SPMIP2: variants seen among roughly 807,000 people sequenced by gnomAD.
SPMIP2 encodes sperm microtubule inner protein 2, also known as protein SPMIP2.
At chr4:159,002,318 TA>T in the SPMIP2 span, among the ~76,000 whole-genome samples, 2 of 151,496 alleles carry the variant, frequency 1.3e-5, no homozygotes, top group Non-Finnish European at 1.5e-5. Flanking sequence ...TTTCATTTTT[TA>T]AAGTGTCTTG....
the SPMIP2 span, chr4:158,893,800 A>G: frequency 1.3e-4 from 114 of 896,734 alleles, no homozygotes; most frequent in African/African-American, 1.7e-3. Flanking sequence ...TCTATAATAC[A>G]TACGTCTTGT....
At chr4:158,929,947 C>T in the SPMIP2 span, among the ~76,000 whole-genome samples, 1 of 152,140 alleles carries the variant, frequency 6.6e-6, no homozygotes, top group African/African-American at 2.4e-5. Flanking sequence ...TTCTCTTTAG[C>T]ATTTCTTGCA....
At chr4:159,055,449 T>G in the SPMIP2 span, among the ~76,000 whole-genome samples, 1 of 152,188 alleles carries the variant, frequency 6.6e-6, no homozygotes, top group Non-Finnish European at 1.5e-5. Flanking sequence ...ACCCCTGTAT[T>G]CCCAGCACTT....
At chr4:158,900,896 T>C in the SPMIP2 span, among the ~76,000 whole-genome samples, 1 of 152,230 alleles carries the variant, frequency 6.6e-6, no homozygotes, top group Admixed American at 6.5e-5. Context: ...GTTGGTTTTT[T>C]TGCCCGTTAG....
At chr4:159,056,339 T>C in the SPMIP2 span, among the ~76,000 whole-genome samples, 3 of 151,986 alleles carry the variant, frequency 2.0e-5, no homozygotes, top group African/African-American at 4.8e-5. Context: ...GTTTGGAGGG[T>C]AGGGGAAGTT....
chr4:159,060,489 G>T, the SPMIP2 span, among the ~76,000 whole-genome samples: 2 of 152,196 alleles, frequency 1.3e-5, no homozygotes, highest in African/African-American at 4.8e-5. Context: ...CAGGAAAAAT[G>T]ATTGTTTCCC....
chr4:158,903,951 C>A, the SPMIP2 span, among the ~76,000 whole-genome samples: 2 of 152,204 alleles, frequency 1.3e-5, no homozygotes, highest in South Asian at 2.1e-4. Context: ...ACTTTGCTCT[C>A]AGAATCTTGT....
chr4:158,904,039 T>C, the SPMIP2 span, among the ~76,000 whole-genome samples: 152,366 of 152,368 alleles, frequency 1, 76,182 homozygotes, highest in Middle Eastern at 1. Context: ...GCTACCATCA[T>C]CGTTTTTCTA....
chr4:158,911,830 G>A, the SPMIP2 span, among the ~76,000 whole-genome samples: 2 of 152,300 alleles, frequency 1.3e-5, no homozygotes, highest in South Asian at 2.1e-4. Flanking sequence ...ATCAGTCACT[G>A]AGACTGAAGT....
chr4:159,039,472 C>G, the SPMIP2 span, among the ~76,000 whole-genome samples: 1 of 152,080 alleles, frequency 6.6e-6, no homozygotes, highest in Non-Finnish European at 1.5e-5. Context: ...GTTTGGCTGA[C>G]TAGTGAGTAG....
chr4:158,931,815 G>A, the SPMIP2 span, among the ~76,000 whole-genome samples: 1 of 151,930 alleles, frequency 6.6e-6, no homozygotes, highest in African/African-American at 2.4e-5. Context: ...TGCCCACCTT[G>A]GCCTCCCAAA....
At chr4:158,990,587 A>C in the SPMIP2 span, among the ~76,000 whole-genome samples, 1 of 152,218 alleles carries the variant, frequency 6.6e-6, no homozygotes, top group South Asian at 2.1e-4. Context: ...CTTTGCAGGG[A>C]CATGGATGAA....
the SPMIP2 span, chr4:158,960,261 T>A: frequency 7.2e-7 from 1 of 1,380,798 alleles, no homozygotes; most frequent in Non-Finnish European, 1.0e-6. Context: ...CAGTAATTAA[T>A]AAAAATATAT....
chr4:159,077,522 A>G, the SPMIP2 span, among the ~76,000 whole-genome samples: 1 of 152,186 alleles, frequency 6.6e-6, no homozygotes, highest in African/African-American at 2.4e-5. Flanking sequence ...TTTCTAACCC[A>G]ACGTTTGAGG....
chr4:159,007,909 T>C, the SPMIP2 span: 14 of 442,930 alleles, frequency 3.2e-5, no homozygotes, highest in Non-Finnish European at 6.2e-5. Context: ...AATTACATAA[T>C]AACAATGTAG....
chr4:159,025,201 G>A, the SPMIP2 span, among the ~76,000 whole-genome samples: 20 of 152,186 alleles, frequency 1.3e-4, no homozygotes, highest in Non-Finnish European at 2.1e-4. Context: ...GTCTTGCTCT[G>A]TCGCACAGGC....
chr4:158,949,865 A>G, the SPMIP2 span, among the ~76,000 whole-genome samples: 1 of 152,216 alleles, frequency 6.6e-6, no homozygotes, highest in Non-Finnish European at 1.5e-5. Flanking sequence ...TTCTATTACA[A>G]AGCAAAAGAA....
the SPMIP2 span, chr4:158,904,534 T>C: frequency 6.2e-7 from 1 of 1,612,872 alleles, no homozygotes; most frequent in Admixed American, 1.7e-5. Flanking sequence ...GTGGCTCAAA[T>C]ACTCTTATAA....
chr4:159,069,875 G>C, the SPMIP2 span, among the ~76,000 whole-genome samples: 29 of 152,026 alleles, frequency 1.9e-4, no homozygotes, highest in Non-Finnish European at 2.9e-4. Flanking sequence ...ACATTAACAA[G>C]AATGGCTTCC....
Sources: allele counts gnomAD v4.1 joint callset (sites outside exome capture counted in the v4.1 genomes callset), GRCh38; gene constraint gnomAD v4.1.1; transcripts MANE v1.5; gene names NCBI Gene and HGNC (gene_info 2026-07-23, HGNC 2026-07-21).